The following PRR32 variants were observed in gnomAD, a reference collection of about 807,000 sequenced individuals.
PRR32 encodes the protein proline-rich protein 32.
A neutral mutation model predicts 1.3 loss-of-function variants in PRR32; 2 were observed. The ratio of observed to expected loss-of-function variants is 1.49; its 90% CI spans 0.61 to 4.68. The LOEUF is 4.68. Ranked by LOEUF, PRR32 falls within the 30% of genes most tolerant of loss-of-function variation. The probability of loss-of-function intolerance (pLI) is 0.06; values close to 1 mark genes in which losing one functional copy is unlikely to be tolerated. For missense variants in PRR32, 241 were observed against 232.5 expected (o/e 1.04, Z -0.24); for synonymous variants, 107 against 88.7 (o/e 1.21, Z -1.16).
Position 126,821,424 on chromosome X carries a change from T to C in PRR32, c.786T>C (p.Pro262=). 1.7e-6 allele frequency: 2 copies of C among 1,168,388 alleles called. No homozygotes were observed. The highest frequency in any genetic ancestry group is 2.3e-6 in the Non-Finnish European group (2 of 873,161). ...PPIFNPFLTM[P]LPFAPPPIFG... is the part of the protein sequence containing the mutation. The stretch of plus-strand genomic sequence containing the variant: ...TTTTCAATCCCTTTCTCACTATGCC[T>C]CTTCCTTTTGCTCCTCCTCCGATAT... The change falls in exon 2 of 2, where the codon CCT becomes CCC. Residue 262 remains proline (P), a synonymous_variant. Coordinates refer to ENST00000371125, the MANE Select transcript of PRR32 (RefSeq NM_001122716.2).
At position 126,821,239 on chromosome X, in the gene PRR32, C is replaced by T. The variant is rs749295169; in HGVS notation, c.601C>T (p.Arg201Ter). 1.1e-4 allele frequency: 123 copies of T among 1,166,567 alleles called. No individual in the cohort carries two copies. The highest frequency in any genetic ancestry group is 1.3e-4 in the Non-Finnish European group (117 of 872,815). ...AATGGAGGTGCCGCCCGGAAATACA[C>T]GAATAGCCTGCAGAGGAAAGCTGGC... ...IVMEVPPGNT[R>*]IACRGKLAHV... is the part of the protein sequence containing the mutation. The change falls in exon 2 of 2, where the codon CGA (arginine) becomes TGA (stop). Residue 201 changes from arginine to a stop codon, truncating the protein, a stop_gained. Transcript: ENST00000371125. LOFTEE classifies it low-confidence loss of function (END_TRUNC).
In PRR32 at chrX:126,821,744, G is replaced by A; in HGVS notation, c.*209G>A. ...ACCACACTCTGTTTAGCACAAATGTGCCCTACATACTGGAGATTAAATAAA... is the reference window on the plus strand; with the variant it reads ...ACCACACTCTGTTTAGCACAAATGTACCCTACATACTGGAGATTAAATAAA... On this transcript the variant is annotated 3_prime_UTR_variant, in exon 2 of 2. Coordinates refer to ENST00000371125, the MANE Select transcript of PRR32 (RefSeq NM_001122716.2). 4.7e-6 allele frequency: 2 copies of A among 429,844 alleles called. No homozygotes were observed. Among genetic ancestry groups the A allele is most frequent in the Non-Finnish European group, 7.7e-6 (2 of 259,345 alleles). 35.4% of individuals were successfully genotyped at this position (429,844 alleles called of 1,213,427 possible).
In PRR32 at chrX:126,821,628, T is replaced by A. The variant is rs1930564275; in HGVS notation, c.*93T>A. 1 of 1,057,118 alleles carries A rather than the reference T, an allele frequency of 9.5e-7. No homozygotes were observed. The highest frequency in any genetic ancestry group is 1.9e-5 in the African/African-American group (1 of 51,717). The allele number at this position is 1,057,118 out of a possible 1,213,427, so 87.1% of individuals were successfully genotyped here. Reference sequence around the variant, plus strand: ...TTTGAAACCTTGTACCCTCCCACACTCTGTTTAGCACTAATGTGCCCTACT... The same window carrying A: ...TTTGAAACCTTGTACCCTCCCACACACTGTTTAGCACTAATGTGCCCTACT... On this transcript the variant is annotated 3_prime_UTR_variant, in exon 2 of 2. Coordinates refer to ENST00000371125, the MANE Select transcript of PRR32 (RefSeq NM_001122716.2).
rs1295629994 is a variant in PRR32 at position 126,820,833 on chromosome X, G to C, written c.195G>C (p.Leu65=). 6.0e-6 allele frequency: 7 copies of C among 1,165,731 alleles called. No homozygotes were observed. The South Asian group carries it at 1.1e-4, about 19-fold the overall frequency. ...LRPSVNVLTD[L]DSKQLEWPSE... is the part of the protein sequence containing the mutation. ...CTTCCGTCAATGTGCTGACTGATCT[G>C]GATAGCAAGCAACTGGAGTGGCCCT... Residue 65 remains leucine (L), a synonymous_variant, in exon 2 of 2, where the codon CTG becomes CTC. Coordinates refer to ENST00000371125, the MANE Select transcript of PRR32 (RefSeq NM_001122716.2).
In PRR32 at chrX:126,821,382, C is replaced by A. The variant is rs999722818; in HGVS notation, c.744C>A (p.Ile248=). ...CTTGCTCTACTGTTCATTGTTTCAT[C>A]CCTCCTCGACCTCCGATTTTCAATC... ...LPSCSTVHCF[I]PPRPPIFNPF... is the part of the protein sequence containing the mutation. Residue 248 remains isoleucine (I), a synonymous_variant, in exon 2 of 2, where the codon ATC becomes ATA. Transcript: ENST00000371125. 14 of 1,168,068 alleles carry A rather than the reference C, an allele frequency of 1.2e-5. No homozygotes were observed. Among genetic ancestry groups the A allele is most frequent in the Non-Finnish European group, 1.6e-5 (14 of 873,066 alleles).
chrX:126,820,123 G>T (rs773969207), intron 1 of PRR32, among the ~76,000 whole-genome samples: 2 of 111,833 alleles, frequency 1.8e-5, no homozygotes, highest in African/African-American at 6.5e-5. Context: ...CTTACTCTAG[G>T]GTGTGGTGGT....
In PRR32 at chrX:126,821,258, A is replaced by G. The variant is rs1930554364; in HGVS notation, c.620A>G (p.Lys207Arg). The G allele has an allele frequency of 6.0e-6, 7 of 1,168,333 alleles. No homozygotes were observed. Among genetic ancestry groups the G allele is most frequent in the Non-Finnish European group, 8.0e-6 (7 of 873,156 alleles). ...PGNTRIACRGKLAHVSFPLRG... is the reference protein window; with the variant it reads ...PGNTRIACRGRLAHVSFPLRG... ...AATACACGAATAGCCTGCAGAGGAA[A>G]GCTGGCTCATGTTTCTTTCCCACTC... The change falls in exon 2 of 2, where the codon AAG (lysine) becomes AGG (arginine). Residue 207 changes from lysine (K) to arginine (R), a missense_variant. Physicochemically the swap from Lys to Arg is conservative, Grantham distance 26 (BLOSUM62 2). Transcript: ENST00000371125.
In PRR32 at chrX:126,821,615, T is replaced by C. The variant is rs1050122931; in HGVS notation, c.*80T>C. 1 of 1,088,256 alleles carries C rather than the reference T, an allele frequency of 9.2e-7. No homozygotes were observed. Among genetic ancestry groups the C allele is most frequent in the African/African-American group, 1.9e-5 (1 of 53,036 alleles). 89.7% of individuals were successfully genotyped at this position (1,088,256 alleles called of 1,213,427 possible). A position where few individuals can be genotyped will look rare whatever the true frequency, so the allele number is the denominator to read the frequency against. ...TTATGCTTTTATATTTGAAACCTTG[T>C]ACCCTCCCACACTCTGTTTAGCACT... On this transcript the variant is annotated 3_prime_UTR_variant, in exon 2 of 2. Transcript: ENST00000371125.
intron 1 of PRR32, among the ~76,000 whole-genome samples, chrX:126,820,270 C>T (rs1447851097): frequency 9.5e-6 from 1 of 105,395 alleles, no homozygotes; most frequent in Admixed American, 1.0e-4. Flanking sequence ...CTTCGGAAGA[C>T]ATACCAGAAC....
intron 1 of PRR32, 26 bp downstream of exon 1, chrX:126,819,889 T>C: frequency 8.6e-7 from 1 of 1,157,535 alleles, no homozygotes; most frequent in Non-Finnish European, 1.2e-6. Context: ...AGTACAACTG[T>C]TTAATTTTGA....
chrX:126,821,520 C>A lies in PRR32; in HGVS notation c.882C>A (p.Asn294Lys), dbSNP rs935526817. 2.0e-5 allele frequency: 23 copies of A among 1,164,478 alleles called. No homozygotes were observed. Among genetic ancestry groups the A allele is most frequent in the Non-Finnish European group, 2.5e-5 (22 of 872,690 alleles). The change falls in exon 2 of 2, where the codon AAC becomes AAA. Residue 294 changes from asparagine (N) to lysine (K), a missense_variant. Physicochemically the swap from Asn to Lys is moderately conservative, Grantham distance 94. Transcript: ENST00000371125. ...SGGMPAPASP[N>K]REHS Reference sequence around the variant, plus strand: ...GAATGCCAGCTCCTGCATCACCCAACAGAGAGCACAGCTGATGGCAAAAAG... The same window carrying A: ...GAATGCCAGCTCCTGCATCACCCAAAAGAGAGCACAGCTGATGGCAAAAAG...
Position 126,819,730 on chromosome X carries a change from T to G in PRR32, c.-114T>G. 1.8e-6 allele frequency: 1 copy of G among 558,958 alleles called. No individual in the cohort carries two copies. Among genetic ancestry groups the G allele is most frequent in the Non-Finnish European group, 2.6e-6 (1 of 385,707 alleles). The allele number at this position is 558,958 out of a possible 1,213,427, so 46.1% of individuals were successfully genotyped here. ...AAGAAGCAGTTGGTCCCTGGCTTCA[T>G]TCTAGTTGCCAAGCCTCTAAAGCAG... On this transcript the variant is annotated 5_prime_UTR_variant, in exon 1 of 2. Transcript: ENST00000371125.
In PRR32 at chrX:126,820,839, C is replaced by T. The variant is rs1189874427; in HGVS notation, c.201C>T (p.Ser67=). Residue 67 remains serine, a synonymous_variant, in exon 2 of 2, where the codon AGC becomes AGT. Transcript: ENST00000371125. The part of the protein sequence containing the change: ...PSVNVLTDLD[S]KQLEWPSERT... ...TCAATGTGCTGACTGATCTGGATAGCAAGCAACTGGAGTGGCCCTCTGAAA... is the reference window on the plus strand; with the variant it reads ...TCAATGTGCTGACTGATCTGGATAGTAAGCAACTGGAGTGGCCCTCTGAAA... 8.6e-7 allele frequency: 1 copy of T among 1,167,643 alleles called. No homozygotes were observed. Among genetic ancestry groups the T allele is most frequent in the Non-Finnish European group, 1.1e-6 (1 of 872,914 alleles).
intron 1 of PRR32, 120 bp from the exon 2 acceptor site, chrX:126,820,539 G>A (rs1330481708): frequency 2.2e-6 from 2 of 905,673 alleles, no homozygotes; most frequent in Non-Finnish European, 3.0e-6. Context: ...ACATATAGGG[G>A]AGAGGGCACT....
At position 126,821,025 on chromosome X, in the gene PRR32, C is replaced by G; in HGVS notation, c.387C>G (p.Ser129=). The change falls in exon 2 of 2, where the codon TCC becomes TCG. Residue 129 remains serine (S), a synonymous_variant. Transcript: ENST00000371125. ...RQEGQDAINV[S]WEVSGGPPAL... ...AGGGACAGGATGCTATTAATGTGTC[C>G]TGGGAAGTCTCTGGCGGCCCTCCTG... The G allele has an allele frequency of 8.6e-7, 1 of 1,164,634 alleles. No homozygotes were observed. Among genetic ancestry groups the G allele is most frequent in the Non-Finnish European group, 1.1e-6 (1 of 871,381 alleles).
At position 126,820,834 on chromosome X, in the gene PRR32, G is replaced by A; in HGVS notation, c.196G>A (p.Asp66Asn). ...RPSVNVLTDL[D>N]SKQLEWPSER... Reference sequence around the variant, plus strand: ...TTCCGTCAATGTGCTGACTGATCTGGATAGCAAGCAACTGGAGTGGCCCTC... The same window carrying A: ...TTCCGTCAATGTGCTGACTGATCTGAATAGCAAGCAACTGGAGTGGCCCTC... Residue 66 changes from aspartate (D) to asparagine (N), a missense_variant, in exon 2 of 2, where the codon GAT becomes AAT. Asp to Asn is a conservative substitution (Grantham distance 23, BLOSUM62 1). Coordinates refer to ENST00000371125, the MANE Select transcript of PRR32 (RefSeq NM_001122716.2). The A allele has an allele frequency of 8.6e-7, 1 of 1,167,592 alleles. No individual in the cohort carries two copies.
In PRR32 at chrX:126,820,908, A is replaced by G; in HGVS notation, c.270A>G (p.Arg90=). Residue 90 remains arginine (R), a synonymous_variant, in exon 2 of 2, where the codon AGA becomes AGG. Transcript: ENST00000371125. ...CTCTTCATAGCTTGAGAGCTCATAGACACCCCTACGGGCCACCACCTGCTG... is the reference window on the plus strand; with the variant it reads ...CTCTTCATAGCTTGAGAGCTCATAGGCACCCCTACGGGCCACCACCTGCTG... ...CIPLHSLRAH[R]HPYGPPPAVA... is the part of the protein sequence containing the mutation. The G allele has an allele frequency of 1.7e-6, 2 of 1,167,838 alleles. No homozygotes were observed. Among genetic ancestry groups the G allele is most frequent in the Non-Finnish European group, 2.3e-6 (2 of 872,975 alleles).
chrX:126,819,909 C>A, intron 1 of PRR32, 46 bp downstream of exon 1: 1 of 1,123,706 alleles, frequency 8.9e-7, no homozygotes, highest in Non-Finnish European at 1.2e-6. Context: ...AAGGCAAAGT[C>A]AGTTTGAATT....
Position 126,821,708 on chromosome X carries a change from C to T in PRR32, c.*173C>T, listed in dbSNP as rs12837650. 0.088 allele frequency: 50,400 copies of T among 573,025 alleles called. 1,671 individuals carry two copies. The highest frequency in any genetic ancestry group is 0.1 in the South Asian group (3,159 of 30,095). 47.2% of individuals were successfully genotyped at this position (573,025 alleles called of 1,213,427 possible). A position where few individuals can be genotyped will look rare whatever the true frequency, so the allele number is the denominator to read the frequency against. ...TAGCACTAATGTGCCCTATTTGAAA[C>T]CTTGTACCCTACCACACTCTGTTTA... is the stretch of plus-strand genomic sequence containing the variant. On this transcript the variant is annotated 3_prime_UTR_variant, in exon 2 of 2. Coordinates refer to ENST00000371125, the MANE Select transcript of PRR32 (RefSeq NM_001122716.2).
Sources: gnomAD v4.1 joint callset for allele counts (sites outside exome capture counted in the v4.1 genomes callset) on GRCh38, gnomAD v4.1.1 for gene constraint, MANE v1.5 for transcripts, NCBI Gene and HGNC (gene_info 2026-07-23, HGNC 2026-07-21) for gene names.